Variants in PCDHA9 observed in about 807,000 individuals in gnomAD.
The protein encoded by PCDHA9 is protocadherin alpha-9.
Under a neutral mutation model 62.0 loss-of-function variants are expected in PCDHA9, and 62 were observed. The ratio of observed to expected loss-of-function variants is 1.00; its 90% CI spans 0.81 to 1.23. PCDHA9 has a LOEUF of 1.23. Ranked by LOEUF, PCDHA9 falls within the 50% of genes most tolerant of loss-of-function variation. The pLI, the probability that PCDHA9 is intolerant of heterozygous loss-of-function variation, is 0.00. For synonymous variants in PCDHA9, 557 were observed against 567.6 expected (o/e 0.98, Z 0.27); for missense variants, 1,205 against 1,249.8 (o/e 0.96, Z 0.54).
intron 3 of PCDHA9, chr5:140,988,797 AT>A (rs1481469131): frequency 2.0e-5 from 3 of 152,116 alleles, no homozygotes; most frequent in African/African-American, 7.2e-5. Context: ...TAATAGAAGA[AT>A]TTCTTCCGTA....
intron 1 of PCDHA9, among the ~76,000 whole-genome samples, chr5:140,891,446 G>T (rs1554184841): frequency 1.0e-4 from 15 of 149,150 alleles, no homozygotes. Context: ...CATTGTATAG[G>T]ATTTTTGAAT....
chr5:140,967,226 C>T, intron 1 of PCDHA9: 1 of 1,613,746 alleles, frequency 6.2e-7, no homozygotes, highest in Non-Finnish European at 8.5e-7. Flanking sequence ...GCCCAACTAC[C>T]AGCTTCAGGT....
chr5:140,957,694 C>T (rs269548), intron 1 of PCDHA9, among the ~76,000 whole-genome samples: 31,397 of 151,782 alleles, frequency 0.21, 4,012 homozygotes, highest in African/African-American at 0.36. Flanking sequence ...AGACAATGAA[C>T]ATTATGTAGT....
intron 1 of PCDHA9, chr5:140,876,810 C>T (rs782009058): frequency 1.9e-6 from 3 of 1,614,154 alleles, no homozygotes; most frequent in East Asian, 2.2e-5. Flanking sequence ...TGGAGGTGGC[C>T]GACGTGAACG....
intron 3 of PCDHA9, among the ~76,000 whole-genome samples, chr5:141,002,946 G>A (rs2098104148): frequency 6.6e-6 from 1 of 152,180 alleles, no homozygotes; most frequent in African/African-American, 2.4e-5. Flanking sequence ...TCCAGCACAT[G>A]CCCCTCTGAG....
intron 1 of PCDHA9, chr5:140,864,363 C>G (rs1389030549): frequency 6.6e-6 from 1 of 152,156 alleles, no homozygotes; most frequent in Non-Finnish European, 1.5e-5. Flanking sequence ...GTTTATCTTT[C>G]TATAATCGAT....
At chr5:140,997,727 C>G (rs2097783097) in intron 3 of PCDHA9, among the ~76,000 whole-genome samples, 1 of 151,244 alleles carries the variant, frequency 6.6e-6, no homozygotes, top group Admixed American at 6.6e-5. Flanking sequence ...TACGTCAGTA[C>G]ATATAGATTT....
intron 1 of PCDHA9, chr5:140,967,256 G>T: frequency 6.2e-7 from 1 of 1,613,524 alleles, no homozygotes; most frequent in Non-Finnish European, 8.5e-7. Flanking sequence ...GGTGGCGCCT[G>T]GAGCGCGCTT....
Position 140,946,375 on chromosome 5 carries a change from G to A in PCDHA9, c.2395-32574G>A, listed in dbSNP as rs531638250. Among the ~76,000 whole-genome samples, 14 of 151,710 alleles carry A rather than the reference G, an allele frequency of 9.2e-5. No homozygotes were observed. In the South Asian group the frequency reaches 2.9e-3, roughly 32 times the overall value. On this transcript the variant is annotated intron_variant, in intron 1 of 3. Transcript: ENST00000532602. ...TGGAGAAAAGGGAACTCTTGCACACGGTTGGTAGGAATGTAAATTAGTACA... is the reference window on the plus strand; with the variant it reads ...TGGAGAAAAGGGAACTCTTGCACACAGTTGGTAGGAATGTAAATTAGTACA...
intron 1 of PCDHA9, among the ~76,000 whole-genome samples, chr5:140,922,082 G>A (rs2080612980): frequency 6.6e-6 from 1 of 151,908 alleles, no homozygotes. Context: ...AGCAAAAAGT[G>A]GTATTTCTAC....
intron 1 of PCDHA9, chr5:140,853,810 G>A (rs1402594450): frequency 7.1e-6 from 7 of 986,530 alleles, no homozygotes; most frequent in Non-Finnish European, 8.5e-6. Context: ...AAGCACACCT[G>A]AGATGATTCT....
chr5:140,965,260 G>A (rs1188138728), intron 1 of PCDHA9, among the ~76,000 whole-genome samples: 1 of 152,202 alleles, frequency 6.6e-6, no homozygotes, highest in Non-Finnish European at 1.5e-5. Context: ...GAACTGAGCA[G>A]CAGAGGCAAT....
At chr5:140,878,110 AC>A (rs1554170303) in intron 1 of PCDHA9, 1 of 249,146 alleles carries the variant, frequency 4.0e-6, no homozygotes, top group African/African-American at 2.3e-5. Context: ...CTTGAAAAAA[AC>A]AGTATATTAG....
intron 1 of PCDHA9, chr5:140,871,041 T>G (rs782091626): frequency 6.2e-7 from 1 of 1,613,310 alleles, no homozygotes; most frequent in South Asian, 1.1e-5. Flanking sequence ...GCCACCGACT[T>G]CTAGTACTGG....
At position 141,011,088 on chromosome 5, in the gene PCDHA9, TTCTC is replaced by T. The variant is rs375099849; in HGVS notation, c.*1165_*1168del. Reference sequence around the variant, plus strand: ...TATTACTAAATAAAATGATCTCTCTTTCTCTCTCTCTCTCTCTTTTCTAAGAAAC... The same window carrying T: ...TATTACTAAATAAAATGATCTCTCTTTCTCTCTCTCTCTTTTCTAAGAAAC... On this transcript the variant is annotated 3_prime_UTR_variant, in exon 4 of 4. Coordinates refer to ENST00000532602, the MANE Select transcript of PCDHA9 (RefSeq NM_031857.2). 16 of 152,024 alleles carry T rather than the reference TTCTC, an allele frequency of 1.1e-4. No individual in the cohort carries two copies. Among genetic ancestry groups the T allele is most frequent in the African/African-American group, 2.2e-4 (9 of 41,160 alleles). 9.4% of individuals were successfully genotyped at this position (152,024 alleles called of 1,614,324 possible).
Position 140,857,105 on chromosome 5 carries a change from T to G in PCDHA9, c.2394+6216T>G. On this transcript the variant is annotated intron_variant, in intron 1 of 3. Transcript: ENST00000532602. The stretch of plus-strand genomic sequence containing the variant: ...TAATTCACCTGAGGTGATTGTCACT[T>G]CTCTGTCTCTCCCAGTGAAAGAAGA... The G allele has an allele frequency of 1.9e-6, 3 of 1,597,820 alleles. 1 individual carries two copies. Among genetic ancestry groups the G allele is most frequent in the Non-Finnish European group, 2.6e-6 (3 of 1,167,424 alleles).
In PCDHA9 at chr5:140,850,262, A is replaced by G. The variant is rs2150476444; in HGVS notation, c.1767A>G (p.Val589=). 32 of 1,594,296 alleles carry G rather than the reference A, an allele frequency of 2.0e-5. 1 individual carries two copies. The highest frequency in any genetic ancestry group is 2.7e-5 in the African/African-American group (2 of 74,230). The change falls in exon 1 of 4, where the codon GTA becomes GTG. Residue 589 remains valine (V), a synonymous_variant. Transcript: ENST00000532602. ...TGCTGCGGTCGGTGGGCGCCGGCGT[A>G]GTGGTGGGGAAGGTGCGCGCAGTGG... ...EMVLRSVGAG[V]VVGKVRAVDA...
In PCDHA9 at chr5:140,902,128, A is replaced by G. The variant is rs140093707; in HGVS notation, c.2394+51239A>G. 5.8e-3 allele frequency among the ~76,000 whole-genome samples: 872 copies of G among 150,980 alleles called. 10 individuals carry two copies. The highest frequency in any genetic ancestry group is 0.019 in the African/African-American group (793 of 41,220). ...ATTTTTTTAAAACTGAGATTATATCATCTGCAAACAAGGATAATTTGATTT... is the reference window on the plus strand; with the variant it reads ...ATTTTTTTAAAACTGAGATTATATCGTCTGCAAACAAGGATAATTTGATTT... On this transcript the variant is annotated intron_variant, in intron 1 of 3. Coordinates refer to ENST00000532602, the MANE Select transcript of PCDHA9 (RefSeq NM_031857.2).
intron 1 of PCDHA9, chr5:140,884,038 G>A (rs1554181095): frequency 6.2e-7 from 1 of 1,613,432 alleles, no homozygotes; most frequent in South Asian, 1.1e-5. Context: ...CAGGCCACGT[G>A]GTGGCGAAGG....
Sources: allele counts gnomAD v4.1 joint callset (sites outside exome capture counted in the v4.1 genomes callset), GRCh38; gene constraint gnomAD v4.1.1; transcripts MANE v1.5; gene names NCBI Gene and HGNC (gene_info 2026-07-23, HGNC 2026-07-21).